Variants in KTN1 observed in about 807,000 individuals in gnomAD.
KTN1 encodes the protein kinectin.
KTN1 carries 130 observed loss-of-function variants against 222.5 expected under a neutral mutation model. The ratio of observed to expected loss-of-function variants is 0.58; its 90% CI spans 0.51 to 0.68. The LOEUF is 0.68. Among genes scored for constraint, KTN1 ranks in the 30% least tolerant of loss-of-function variants. The pLI is 0.00. For synonymous variants in KTN1, 512 were observed against 496.3 expected, an observed-to-expected ratio of 1.03 and a Z score of -0.42; for missense variants, 1,508 against 1,500.4, an observed-to-expected ratio of 1.01 and a Z score of -0.08.
intron 1 of KTN1, among the ~76,000 whole-genome samples, chr14:55,608,204 C>T (rs1351833056): frequency 6.6e-6 from 1 of 152,144 alleles, no homozygotes; most frequent in Admixed American, 6.5e-5. Context: ...GTTTCATTCT[C>T]AGTTCCTTTT....
chr14:55,662,763 G>A, intron 32 of KTN1: 1 of 352,408 alleles, frequency 2.8e-6, no homozygotes, highest in Non-Finnish European at 5.9e-6. Context: ...CCCTGAGTTT[G>A]TCAAAATTAG....
intron 5 of KTN1, among the ~76,000 whole-genome samples, 194 bp downstream of exon 5, chr14:55,619,506 C>T (rs893422353): frequency 2.0e-5 from 3 of 152,092 alleles, no homozygotes; most frequent in African/African-American, 7.2e-5. Context: ...ATACCCGAGA[C>T]TGGGTAATTT....
chr14:55,667,169 G>T, intron 33 of KTN1, 72 bp from the exon 34 acceptor site: 7 of 986,658 alleles, frequency 7.1e-6, no homozygotes, highest in African/African-American at 3.4e-5. Flanking sequence ...AAACACTATA[G>T]TTTTTTTCTT....
intron 41 of KTN1, among the ~76,000 whole-genome samples, 153 bp from the exon 42 acceptor site, chr14:55,678,199 G>A (rs1446110751): frequency 6.6e-6 from 1 of 152,122 alleles, no homozygotes; most frequent in African/African-American, 2.4e-5. Context: ...CTTATAATCT[G>A]GTGGGGGGTG....
At chr14:55,653,670 A>G (rs2043167143) in intron 28 of KTN1, 74 bp downstream of exon 28, 2 of 1,106,738 alleles carry the variant, frequency 1.8e-6, no homozygotes, top group Admixed American at 3.6e-5. Context: ...CTTGAATATA[A>G]TGATGAGTTT....
rs572544676 is a variant in KTN1, at chr14:55,633,214, A to G, written c.1222-21A>G. Reference sequence around the variant, plus strand: ...TGACAGTCTTTGTTTTCTAAGTTTTATGTGTGTAAAATAATTTTAGTTTCA... The same window carrying G: ...TGACAGTCTTTGTTTTCTAAGTTTTGTGTGTGTAAAATAATTTTAGTTTCA... On this transcript the variant is annotated intron_variant, in intron 7 of 43. Transcript: ENST00000395314. The G allele has an allele frequency of 4.2e-6, 6 of 1,424,270 alleles. No homozygotes were observed. The African/African-American group carries it at 7.2e-5, about 17-fold the overall frequency. 88.2% of individuals were successfully genotyped at this position (1,424,270 alleles called of 1,614,324 possible).
intron 3 of KTN1, among the ~76,000 whole-genome samples, chr14:55,617,368 G>A (rs1338419510): frequency 2.0e-5 from 3 of 152,168 alleles, no homozygotes; most frequent in Non-Finnish European, 4.4e-5. Context: ...TAGGCTTGAT[G>A]TTCAAACTCT....
Position 55,612,542 on chromosome 14 carries a change from C to T in KTN1, c.494C>T (p.Pro165Leu). 2 of 1,597,514 alleles carry T rather than the reference C, an allele frequency of 1.3e-6. No individual in the cohort carries two copies. Among genetic ancestry groups the T allele is most frequent in the East Asian group, 2.2e-5 (1 of 44,804 alleles). The change falls in exon 2 of 44, where the codon CCA becomes CTA. Residue 165 changes from proline to leucine, a missense_variant. By Grantham distance (98) the Pro-to-Leu change is moderately conservative. Coordinates refer to ENST00000395314, the MANE Select transcript of KTN1 (RefSeq NM_001079521.2). ...PSEAAASKKKPGQKKSKNGSD... is the reference protein window; with the variant it reads ...PSEAAASKKKLGQKKSKNGSD... The stretch of plus-strand genomic sequence containing the variant: ...GAAGCAGCTGCCTCGAAGAAGAAAC[C>T]AGGGCAGAAGAAGTCTAAAAATGGA...
At chr14:55,671,363 T>G in intron 35 of KTN1, 1 of 550,864 alleles carries the variant, frequency 1.8e-6, no homozygotes, top group Non-Finnish European at 3.2e-6. Flanking sequence ...CCAAGACTAT[T>G]TATTATAACA....
chr14:55,605,634 ACT>A lies in KTN1; in HGVS notation c.-30-6382_-30-6381del, dbSNP rs559459492. ...TCATGGATAAAAATTTTTAAGTAAGACTCTGAGTGAAGGCCAAATTGGGACTA... is the reference window on the plus strand; with the variant it reads ...TCATGGATAAAAATTTTTAAGTAAGACTGAGTGAAGGCCAAATTGGGACTA... On this transcript the variant is annotated intron_variant, in intron 1 of 43. Transcript: ENST00000395314. 7.2e-5 allele frequency among the ~76,000 whole-genome samples: 11 copies of A among 152,068 alleles called. No individual in the cohort carries two copies. In the East Asian group the frequency reaches 1.9e-3, roughly 27 times the overall value.
chr14:55,631,341 G>GATAGATATATAT (rs1555371424), intron 7 of KTN1, among the ~76,000 whole-genome samples: 3 of 114,708 alleles, frequency 2.6e-5, no homozygotes, highest in South Asian at 5.7e-4. Flanking sequence ...TGATAAGGTT[G>GATAGATATATAT]ATATATATAT....
intron 1 of KTN1, among the ~76,000 whole-genome samples, chr14:55,590,400 G>T (rs1200641946): frequency 6.6e-6 from 1 of 152,100 alleles, no homozygotes. Context: ...AATAAAATAC[G>T]TATGAGATAA....
chr14:55,589,775 C>G (rs1197154430), intron 1 of KTN1, among the ~76,000 whole-genome samples: 5 of 150,910 alleles, frequency 3.3e-5, no homozygotes, highest in African/African-American at 1.2e-4. Context: ...TCTCCTGCCT[C>G]AACCTCTTGA....
rs71448461 is a variant in KTN1, at chr14:55,631,341, G to GAGAT, written c.1221+1245_1221+1246insGATA. Among the ~76,000 whole-genome samples the GAGAT allele has an allele frequency of 2.7e-3, 307 of 114,708 alleles. 3 individuals are homozygous for GAGAT. The highest frequency in any genetic ancestry group is 0.01 in the African/African-American group (277 of 27,518). The allele number at this position is 114,708 out of a possible 152,430, so 75.3% of individuals were successfully genotyped here. On this transcript the variant is annotated intron_variant, in intron 7 of 43. Coordinates refer to ENST00000395314, the MANE Select transcript of KTN1 (RefSeq NM_001079521.2). Reference sequence around the variant, plus strand: ...CTAAAACTCACCTATTGATAAGGTTGATATATATATATATATATATATATA... The same window carrying GAGAT: ...CTAAAACTCACCTATTGATAAGGTTGAGATATATATATATATATATATATATATA...
At chr14:55,585,818 G>T (rs2032871641) in intron 1 of KTN1, among the ~76,000 whole-genome samples, 1 of 152,222 alleles carries the variant, frequency 6.6e-6, no homozygotes, top group Non-Finnish European at 1.5e-5. Flanking sequence ...GAGAGATCCT[G>T]TAAGACAGCT....
intron 18 of KTN1, among the ~76,000 whole-genome samples, chr14:55,646,448 T>C (rs1193105667): frequency 4.5e-5 from 3 of 65,946 alleles, no homozygotes; most frequent in African/African-American, 1.6e-4. Context: ...TTCCTTTTCC[T>C]TTTCCTTTTC....
intron 1 of KTN1, among the ~76,000 whole-genome samples, chr14:55,588,627 C>T (rs937718424): frequency 2.0e-5 from 3 of 152,132 alleles, no homozygotes; most frequent in Non-Finnish European, 4.4e-5. Flanking sequence ...GTAATACCAA[C>T]AGGAGGTGGC....
Position 55,634,503 on chromosome 14 carries a change from C to A in KTN1, c.1329-23C>A, listed in dbSNP as rs2040889612. ...TATATATTTGTAATAACGGAAGGCTCCTAATCCAGTTACTGTTTTCAGGCA... is the reference window on the plus strand; with the variant it reads ...TATATATTTGTAATAACGGAAGGCTACTAATCCAGTTACTGTTTTCAGGCA... On this transcript the variant is annotated intron_variant, in intron 8 of 43. Transcript: ENST00000395314. 1.9e-6 allele frequency: 3 copies of A among 1,588,406 alleles called. No homozygotes were observed. The South Asian group carries it at 3.5e-5, about 18-fold the overall frequency.
At chr14:55,582,874 C>A (rs1181544564) in intron 1 of KTN1, among the ~76,000 whole-genome samples, 3 of 152,062 alleles carry the variant, frequency 2.0e-5, no homozygotes. Context: ...TTTTTAGTGA[C>A]TTTGAAGGTA....
Sources: gnomAD v4.1 joint callset for allele counts (sites outside exome capture counted in the v4.1 genomes callset) on GRCh38, gnomAD v4.1.1 for gene constraint, MANE v1.5 for transcripts, NCBI Gene and HGNC (gene_info 2026-07-23, HGNC 2026-07-21) for gene names.